AIG1: variants seen among roughly 807,000 people sequenced by gnomAD.
AIG1 encodes androgen induced 1, also known as androgen-induced gene 1 protein.
In AIG1, 23 loss-of-function variants were observed where a neutral mutation model predicts 31.4. The ratio of observed to expected loss-of-function variants is 0.73; its 90% CI spans 0.53 to 1.04. The LOEUF is 1.04. Among genes scored for constraint, AIG1 ranks in the 50% least tolerant of loss-of-function variants. AIG1 has a pLI of 0.00. For missense variants in AIG1, 274 were observed against 295.0 expected (o/e 0.93, Z 0.52); for synonymous variants, 100 against 110.5 (o/e 0.90, Z 0.60).
At chr6:143,108,555 G>A (rs1562383954) in intron 1 of AIG1, among the ~76,000 whole-genome samples, 1 of 152,160 alleles carries the variant, frequency 6.6e-6, no homozygotes, top group African/African-American at 2.4e-5. Context: ...AGCTGGGATG[G>A]GGCCCAGAAT....
At chr6:143,099,372 C>T (rs561924663) in intron 1 of AIG1, 2 of 152,294 alleles carry the variant, frequency 1.3e-5, no homozygotes, top group South Asian at 4.1e-4. Context: ...ACACCATATT[C>T]TAAGCAAGAC....
At chr6:143,249,246 T>G (rs1439628233) in intron 3 of AIG1, among the ~76,000 whole-genome samples, 1 of 152,210 alleles carries the variant, frequency 6.6e-6, no homozygotes, top group African/African-American at 2.4e-5. Flanking sequence ...GACAAAAGGT[T>G]GGTTTGAAGC....
intron 1 of AIG1, among the ~76,000 whole-genome samples, chr6:143,136,530 A>T (rs974719197): frequency 6.6e-6 from 1 of 152,224 alleles, no homozygotes; most frequent in African/African-American, 2.4e-5. Context: ...ATGCTTTAAA[A>T]TAATGGCCCT....
rs909704980 is a variant in AIG1, at chr6:143,330,428, G to T, written c.516-2854G>T. Among the ~76,000 whole-genome samples the T allele has an allele frequency of 1.3e-5, 2 of 152,132 alleles. No individual in the cohort carries two copies. The highest frequency in any genetic ancestry group is 4.8e-5 in the African/African-American group (2 of 41,436). On this transcript the variant is annotated intron_variant, in intron 4 of 5. Transcript: ENST00000357847. The surrounding 1 kb of genome is among the most constrained non-coding windows in gnomAD (Gnocchi z 4.4). ...TGCTGTGGGGGTGGTGAGGAGTATT[G>T]TTCTGGGCAGGGGAATAATACAAAA...
chr6:143,224,886 A>G (rs1216844938), intron 3 of AIG1, among the ~76,000 whole-genome samples: 1 of 152,100 alleles, frequency 6.6e-6, no homozygotes, highest in Non-Finnish European at 1.5e-5. Context: ...GATTCCATGT[A>G]CGTTTGCCAG....
rs865827211 is a variant in AIG1 at position 143,293,028 on chromosome 6, G to C, written c.515+8803G>C. ...TGAGCAAATTACTTATCCTCTCTTA[G>C]CCTCATTGTTACCACCTTTAAAATG... On this transcript the variant is annotated intron_variant, in intron 4 of 5. Transcript: ENST00000357847. The surrounding 1 kb of genome is among the most constrained non-coding windows in gnomAD (Gnocchi z 4.8). Among the ~76,000 whole-genome samples the C allele has an allele frequency of 6.6e-6, 1 of 152,056 alleles. No individual in the cohort carries two copies. The highest frequency in any genetic ancestry group is 2.1e-4 in the South Asian group (1 of 4,810).
intron 4 of AIG1, among the ~76,000 whole-genome samples, chr6:143,311,948 A>C (rs1217131449): frequency 6.6e-6 from 1 of 151,996 alleles, no homozygotes; most frequent in Non-Finnish European, 1.5e-5. Context: ...TCAAAAAGTA[A>C]CCCCCTTTAC....
Position 143,181,938 on chromosome 6 carries a change from A to C in AIG1, c.399+16755A>C, listed in dbSNP as rs143286470. Among the ~76,000 whole-genome samples the C allele has an allele frequency of 3.1e-3, 473 of 152,336 alleles. 2 individuals carry two copies. Among genetic ancestry groups the C allele is most frequent in the African/African-American group, 0.011 (451 of 41,576 alleles). ...ATAAAGAAAGCAGAATGGCAGAGTC[A>C]AATCATACACTTCTCCATGGCTACT... On this transcript the variant is annotated intron_variant, in intron 3 of 5. Transcript: ENST00000357847.
At chr6:143,209,345 GT>G (rs1311273309) in intron 3 of AIG1, among the ~76,000 whole-genome samples, 1 of 152,208 alleles carries the variant, frequency 6.6e-6, no homozygotes, top group Non-Finnish European at 1.5e-5. Flanking sequence ...AATACGTTAT[GT>G]TACATGGCAA....
chr6:143,273,252 A>G (rs756923088), intron 3 of AIG1, among the ~76,000 whole-genome samples: 2 of 152,356 alleles, frequency 1.3e-5, no homozygotes, highest in Non-Finnish European at 2.9e-5. Context: ...TACTGAGAAA[A>G]TATCTGAAAA....
At chr6:143,277,596 G>A (rs1401753560) in intron 3 of AIG1, among the ~76,000 whole-genome samples, 2 of 152,220 alleles carry the variant, frequency 1.3e-5, no homozygotes, top group African/African-American at 4.8e-5. Flanking sequence ...AGCTCCTCTA[G>A]TGATTTGATG....
At chr6:143,137,921 C>T (rs555082414) in intron 2 of AIG1, among the ~76,000 whole-genome samples, 1 of 152,268 alleles carries the variant, frequency 6.6e-6, no homozygotes, top group South Asian at 2.1e-4. Flanking sequence ...AGCACATGCA[C>T]CAAGTCCATT....
intron 3 of AIG1, among the ~76,000 whole-genome samples, chr6:143,241,429 TC>T (rs1304424993): frequency 6.6e-6 from 1 of 152,220 alleles, no homozygotes; most frequent in African/African-American, 2.4e-5. Flanking sequence ...GACTTGGCTG[TC>T]ATCATCTTGC....
At chr6:143,217,515 A>C (rs1216741433) in intron 3 of AIG1, among the ~76,000 whole-genome samples, 1 of 151,942 alleles carries the variant, frequency 6.6e-6, no homozygotes, top group African/African-American at 2.4e-5. Flanking sequence ...ATATCTTTCC[A>C]CATTTTTTTT....
chr6:143,276,482 C>T (rs1051555758), intron 3 of AIG1, among the ~76,000 whole-genome samples: 3 of 152,168 alleles, frequency 2.0e-5, no homozygotes, highest in Admixed American at 1.3e-4. Flanking sequence ...GTTTGACAGC[C>T]GGCAGGAACA....
At chr6:143,332,019 G>A (rs940678200) in intron 4 of AIG1, among the ~76,000 whole-genome samples, 15 of 151,632 alleles carry the variant, frequency 9.9e-5, no homozygotes, top group South Asian at 4.2e-4. Flanking sequence ...TTACAGGCGC[G>A]CACCACCACG....
chr6:143,273,820 C>T (rs1305522577), intron 3 of AIG1, among the ~76,000 whole-genome samples: 1 of 152,174 alleles, frequency 6.6e-6, no homozygotes, highest in Non-Finnish European at 1.5e-5. Context: ...CACCAGGACC[C>T]TCCCAAACAC....
At chr6:143,099,462 C>T (rs1484769923) in intron 1 of AIG1, 2 of 152,184 alleles carry the variant, frequency 1.3e-5, no homozygotes, top group Non-Finnish European at 2.9e-5. Context: ...GTTTTTAAAG[C>T]TAATTATAAA....
intron 1 of AIG1, among the ~76,000 whole-genome samples, chr6:143,111,671 C>T (rs904366254): frequency 6.6e-6 from 1 of 152,162 alleles, no homozygotes; most frequent in Non-Finnish European, 1.5e-5. Context: ...TTTGAGTGCC[C>T]CAGAGACACT....
Sources: allele counts gnomAD v4.1 joint callset (sites outside exome capture counted in the v4.1 genomes callset), GRCh38; gene constraint gnomAD v4.1.1; non-coding constraint Gnocchi (gnomAD v3.1); transcripts MANE v1.5; gene names NCBI Gene and HGNC (gene_info 2026-07-23, HGNC 2026-07-21).